The following ROBO1 variants were observed in gnomAD, a reference collection of about 807,000 sequenced individuals.
The protein encoded by ROBO1 is roundabout homolog 1.
ROBO1 carries 149 observed loss-of-function variants against 195.9 expected under a neutral mutation model. The ratio of observed to expected loss-of-function variants is 0.76; its 90% confidence interval spans 0.67 to 0.87. The LOEUF (loss-of-function observed/expected upper bound fraction) is 0.87. ROBO1 is among the 40% of genes least tolerant of loss of function. The pLI, the probability that ROBO1 is intolerant of heterozygous loss-of-function variation, is 0.00. For synonymous variants in ROBO1, 816 were observed against 733.2 expected (o/e 1.11, Z -1.82); for missense variants, 1,933 against 2,068.3 (o/e 0.93, Z 1.27).
chr3:78,621,442 G>A lies in ROBO1; in HGVS notation c.3876-3401C>T, dbSNP rs547580563. ...GCCAGCATTGTTGTGTTTGGATAATGCACATTCTGTAGAGCAAATACATCT... is the reference window on the plus strand; with the variant it reads ...GCCAGCATTGTTGTGTTTGGATAATACACATTCTGTAGAGCAAATACATCT... On this transcript the variant is annotated intron_variant, in intron 26 of 30. Coordinates refer to ENST00000464233, the MANE Select transcript of ROBO1 (RefSeq NM_002941.4). 1.4e-3 allele frequency among the ~76,000 whole-genome samples: 206 copies of A among 152,266 alleles called. 1 individual carries two copies. The highest frequency in any genetic ancestry group is 6.8e-3 in the Middle Eastern group (2 of 294).
chr3:79,746,522 T>C (rs777522660), intron 1 of ROBO1, among the ~76,000 whole-genome samples: 19 of 152,040 alleles, frequency 1.2e-4, no homozygotes, highest in Non-Finnish European at 1.6e-4. Flanking sequence ...CAAAAGTAAT[T>C]TCAATGACCA....
intron 2 of ROBO1, among the ~76,000 whole-genome samples, chr3:79,431,217 T>C (rs1559894180): frequency 6.6e-6 from 1 of 152,138 alleles, no homozygotes; most frequent in Admixed American, 6.6e-5. Context: ...GTACTACAAC[T>C]AGTATCATAT....
intron 2 of ROBO1, among the ~76,000 whole-genome samples, chr3:79,345,504 T>G (rs963480167): frequency 6.6e-6 from 1 of 152,158 alleles, no homozygotes; most frequent in Non-Finnish European, 1.5e-5. Flanking sequence ...TTTTGCTCTC[T>G]TTCACTTTTT....
intron 4 of ROBO1, among the ~76,000 whole-genome samples, chr3:78,905,980 G>A (rs1464999698): frequency 1.3e-5 from 2 of 152,056 alleles, no homozygotes; most frequent in Non-Finnish European, 2.9e-5. Flanking sequence ...GTCAAGGTGA[G>A]GTATGATGGT....
intron 1 of ROBO1, among the ~76,000 whole-genome samples, chr3:79,729,326 G>T (rs1288479675): frequency 6.6e-6 from 1 of 152,156 alleles, no homozygotes; most frequent in Admixed American, 6.6e-5. Flanking sequence ...CTGAGGGAAA[G>T]TTAGAGGTTA....
intron 4 of ROBO1, among the ~76,000 whole-genome samples, chr3:78,816,994 A>G (rs1287274771): frequency 6.6e-6 from 1 of 151,920 alleles, no homozygotes; most frequent in Non-Finnish European, 1.5e-5. Flanking sequence ...TAAAAAAAAT[A>G]AAATAAAATA....
intron 1 of ROBO1, among the ~76,000 whole-genome samples, chr3:79,735,629 G>A (rs530101522): frequency 5.8e-4 from 88 of 152,286 alleles, no homozygotes; most frequent in African/African-American, 2.1e-3. Flanking sequence ...CCAGCACTTT[G>A]GGAGGCCGAG....
intron 2 of ROBO1, among the ~76,000 whole-genome samples, chr3:79,185,454 G>A (rs577332553): frequency 8.5e-5 from 13 of 152,162 alleles, no homozygotes; most frequent in Middle Eastern, 3.4e-3. Context: ...TATTTATGTC[G>A]TTTGATGATT....
intron 21 of ROBO1, 111 bp downstream of exon 21, chr3:78,646,036 TA>T: frequency 1.1e-6 from 1 of 942,632 alleles, no homozygotes; most frequent in South Asian, 1.5e-5. Context: ...AGGAACTAAA[TA>T]AATTCCACCT....
In ROBO1 at chr3:79,164,638, T is replaced by A. The variant is rs1380881455; in HGVS notation, c.89-39099A>T. On this transcript the variant is annotated intron_variant, in intron 2 of 30. Coordinates refer to ENST00000464233, the MANE Select transcript of ROBO1 (RefSeq NM_002941.4). ...CTTAATCATTTCATTAAAATAGAAT[T>A]CAGGTCCTGGTACCATTCTGTTCAA... Among the ~76,000 whole-genome samples the A allele has an allele frequency of 2.6e-5, 4 of 152,286 alleles. No individual in the cohort carries two copies. The East Asian group carries it at 7.7e-4, about 29-fold the overall frequency.
intron 2 of ROBO1, among the ~76,000 whole-genome samples, chr3:79,251,110 ATGTC>A (rs2082720958): frequency 6.6e-6 from 1 of 152,216 alleles, no homozygotes; most frequent in South Asian, 2.1e-4. Context: ...ATCAATATGA[ATGTC>A]TGTTTCGAAT....
intron 2 of ROBO1, among the ~76,000 whole-genome samples, chr3:79,565,355 AAT>A (rs147492704): frequency 0.012 from 1,818 of 151,988 alleles, 31 homozygotes; most frequent in Middle Eastern, 0.051. Context: ...AAATTTAGAG[AAT>A]ACTTAATATA....
intron 3 of ROBO1, among the ~76,000 whole-genome samples, chr3:79,026,693 T>C (rs2078209221): frequency 1.3e-5 from 2 of 152,060 alleles, no homozygotes. Flanking sequence ...TTTGGTTTCT[T>C]ACTTCCAGAT....
At chr3:78,809,355 G>C (rs2084653734) in intron 4 of ROBO1, among the ~76,000 whole-genome samples, 4 of 152,298 alleles carry the variant, frequency 2.6e-5, no homozygotes, top group Middle Eastern at 6.8e-3. Flanking sequence ...TGCTGGAGAG[G>C]ATGTGGAGAA....
chr3:78,631,169 TA>T lies in ROBO1; in HGVS notation c.3617del (p.Val1206GlufsTer25). ...TTGGATGCTCCTCTTACCTTTCATC[TA>T]CAGAAATGTTGTACTCTTCGCTATT... ...HSNSEEYNISVDESYDQEMPC... is the reference protein window; with the variant it reads ...HSNSEEYNISXDESYDQEMPC... On this transcript the variant is annotated frameshift_variant, in exon 25 of 31. Coordinates refer to ENST00000464233, the MANE Select transcript of ROBO1 (RefSeq NM_002941.4). LOFTEE classifies it high-confidence loss of function. 1 of 1,611,166 alleles carries T rather than the reference TA, an allele frequency of 6.2e-7. No individual in the cohort carries two copies. Among genetic ancestry groups the T allele is most frequent in the South Asian group, 1.1e-5 (1 of 90,512 alleles).
intron 1 of ROBO1, among the ~76,000 whole-genome samples, chr3:79,685,159 C>T (rs1472697875): frequency 6.6e-6 from 1 of 152,150 alleles, no homozygotes; most frequent in East Asian, 1.9e-4. Flanking sequence ...ACTCAATTCA[C>T]TTAATGATCA....
At chr3:79,604,243 A>C (rs1369938817) in intron 1 of ROBO1, among the ~76,000 whole-genome samples, 1 of 152,030 alleles carries the variant, frequency 6.6e-6, no homozygotes, top group Non-Finnish European at 1.5e-5. Flanking sequence ...AAAACAAAAA[A>C]AAGTAGCTAT....
chr3:79,566,874 G>A (rs531469261), intron 2 of ROBO1, among the ~76,000 whole-genome samples: 2 of 152,146 alleles, frequency 1.3e-5, no homozygotes, highest in African/African-American at 2.4e-5. Flanking sequence ...ACAGAGTGGC[G>A]ATTCCTAAAG....
chr3:79,182,860 A>G (rs114363857), intron 2 of ROBO1, among the ~76,000 whole-genome samples: 13,378 of 151,926 alleles, frequency 0.088, 1,016 homozygotes, highest in African/African-American at 0.2. Flanking sequence ...CAGGCGGATC[A>G]CGAGGTCAGG....
Sources: allele counts gnomAD v4.1 joint callset (sites outside exome capture counted in the v4.1 genomes callset), GRCh38; gene constraint gnomAD v4.1.1; transcripts MANE v1.5; gene names NCBI Gene and HGNC (gene_info 2026-07-23, HGNC 2026-07-21).